The following UBXN2A variants were observed in gnomAD, a reference collection of about 807,000 sequenced individuals.
UBXN2A encodes the protein UBX domain protein 2A.
UBXN2A carries 28 observed loss-of-function variants against 28.4 expected under a neutral mutation model. The ratio of observed to expected loss-of-function variants is 0.99; its 90% confidence interval spans 0.73 to 1.35. The LOEUF (loss-of-function observed/expected upper bound fraction) is 1.35, where lower values mean the gene tolerates loss of function less well. UBXN2A is among the 40% of genes most tolerant of loss of function. UBXN2A has a pLI of 0.00. For synonymous variants in UBXN2A, 97 were observed against 103.6 expected, an observed-to-expected ratio of 0.94 and a Z score of 0.39; for missense variants, 253 against 297.9, an observed-to-expected ratio of 0.85 and a Z score of 1.11.
At chr2:23,950,009 C>T (rs1706285916) in intron 1 of UBXN2A, among the ~76,000 whole-genome samples, 1 of 128,200 alleles carries the variant, frequency 7.8e-6, no homozygotes, top group Non-Finnish European at 1.7e-5. Context: ...CCCCCCACCC[C>T]CACCCCCACC....
chr2:23,968,312 A>G (rs758516981), intron 2 of UBXN2A, among the ~76,000 whole-genome samples: 1 of 152,170 alleles, frequency 6.6e-6, no homozygotes. Flanking sequence ...GGTACTTAGA[A>G]TAGTTCTTTA....
At chr2:23,944,182 T>G in intron 1 of UBXN2A, 2 of 1,362,718 alleles carry the variant, frequency 1.5e-6, no homozygotes, top group Non-Finnish European at 2.1e-6. Flanking sequence ...CCAGCACTGA[T>G]GGACACAACT....
chr2:23,989,637 T>G (rs1438894278), intron 6 of UBXN2A, among the ~76,000 whole-genome samples: 1 of 151,786 alleles, frequency 6.6e-6, no homozygotes, highest in Non-Finnish European at 1.5e-5. Flanking sequence ...GCGTGGTGGC[T>G]CATACCTGTA....
At chr2:23,961,136 C>T (rs900576161) in intron 2 of UBXN2A, among the ~76,000 whole-genome samples, 4 of 150,714 alleles carry the variant, frequency 2.7e-5, no homozygotes, top group African/African-American at 9.7e-5. Context: ...GCTCTTGTCA[C>T]CCAGGCTGGG....
intron 4 of UBXN2A, among the ~76,000 whole-genome samples, chr2:23,979,790 C>A (rs1391974294): frequency 6.6e-6 from 1 of 151,988 alleles, no homozygotes; most frequent in Admixed American, 6.6e-5. Context: ...AGGCTGGTCT[C>A]AAACTCCTGA....
At chr2:23,984,980 C>T (rs1708066431) in intron 6 of UBXN2A, 149 bp downstream of exon 6, 2 of 782,574 alleles carry the variant, frequency 2.6e-6, no homozygotes, top group East Asian at 3.5e-5. Context: ...TAGCTCACTG[C>T]AGTCTTGAAG....
chr2:24,001,170 AG>A lies in UBXN2A; in HGVS notation c.*1304del, dbSNP rs1473099918. On this transcript the variant is annotated 3_prime_UTR_variant, in exon 7 of 7. Transcript: ENST00000309033. ...CATGCTTGGCTAATTTTGCATTTTT[AG>A]TAGACACGGGATTTCACCATGTTGG... 1 of 152,148 alleles carries A rather than the reference AG, an allele frequency of 6.6e-6. No individual in the cohort carries two copies. Among genetic ancestry groups the A allele is most frequent in the Non-Finnish European group, 1.5e-5 (1 of 68,038 alleles). The allele number at this position is 152,148 out of a possible 1,614,324, so 9.4% of individuals were successfully genotyped here.
chr2:23,994,024 C>A (rs998401352), intron 6 of UBXN2A, among the ~76,000 whole-genome samples: 16 of 152,074 alleles, frequency 1.1e-4, no homozygotes, highest in Admixed American at 9.2e-4. Context: ...ATGATGAATT[C>A]TCTTAGCTTT....
At chr2:23,941,761 G>T (rs985707728) in intron 1 of UBXN2A, among the ~76,000 whole-genome samples, 1 of 152,066 alleles carries the variant, frequency 6.6e-6, no homozygotes, top group Non-Finnish European at 1.5e-5. Context: ...CAGTGTCATT[G>T]GGCAAAACAG....
At chr2:23,959,257 C>A (rs1394062230) in intron 2 of UBXN2A, among the ~76,000 whole-genome samples, 1 of 152,020 alleles carries the variant, frequency 6.6e-6, no homozygotes, top group African/African-American at 2.4e-5. Flanking sequence ...TTTGGGAGGC[C>A]GAGGTAGGCG....
chr2:23,949,116 C>CTTTTTTTTTTTTTTTTT (rs1223944833), intron 1 of UBXN2A, among the ~76,000 whole-genome samples: 2 of 127,060 alleles, frequency 1.6e-5, no homozygotes, highest in Non-Finnish European at 1.7e-5. Flanking sequence ...ATTTTTTTTT[C>CTTTTTTTTTTTTTTTTT]TTTTTTTTTT....
At chr2:23,931,727 G>GC (rs1705373866) in intron 1 of UBXN2A, among the ~76,000 whole-genome samples, 1 of 152,006 alleles carries the variant, frequency 6.6e-6, no homozygotes, top group Non-Finnish European at 1.5e-5. Flanking sequence ...GTGAAGAAAT[G>GC]CAAGGCCGGG....
chr2:23,971,152 G>A, intron 2 of UBXN2A, 124 bp from the exon 3 acceptor site: 2 of 1,088,236 alleles, frequency 1.8e-6, no homozygotes, highest in Non-Finnish European at 2.5e-6. Flanking sequence ...TATTAACTTA[G>A]GAGAGGGCCT....
intron 1 of UBXN2A, chr2:23,944,087 AG>A: frequency 1.5e-6 from 1 of 667,196 alleles, no homozygotes; most frequent in Non-Finnish European, 2.8e-6. Flanking sequence ...CTTTGAGCAC[AG>A]GGGTCTCTTT....
At chr2:23,981,162 T>A (rs1707877660) in intron 4 of UBXN2A, among the ~76,000 whole-genome samples, 1 of 152,110 alleles carries the variant, frequency 6.6e-6, no homozygotes, top group African/African-American at 2.4e-5. Context: ...GTATGGCTTA[T>A]ATACACAAAG....
At chr2:23,948,024 T>G (rs968297668) in intron 1 of UBXN2A, among the ~76,000 whole-genome samples, 2 of 151,472 alleles carry the variant, frequency 1.3e-5, no homozygotes, top group Non-Finnish European at 2.9e-5. Context: ...ACGGCTAATT[T>G]TTGTGTTTTT....
At chr2:23,930,124 G>A (rs1057333097) in intron 1 of UBXN2A, among the ~76,000 whole-genome samples, 5 of 152,102 alleles carry the variant, frequency 3.3e-5, no homozygotes, top group Admixed American at 1.3e-4. Flanking sequence ...TCCTGACCTC[G>A]TGATCTGCCT....
chr2:23,943,539 G>A (rs1406366607), intron 1 of UBXN2A, among the ~76,000 whole-genome samples: 13 of 152,124 alleles, frequency 8.5e-5, no homozygotes, highest in Non-Finnish European at 2.9e-5. Flanking sequence ...CCAGGTTGGA[G>A]TGCAATGACC....
chr2:23,961,816 G>T (rs1706935005), intron 2 of UBXN2A, among the ~76,000 whole-genome samples: 2 of 149,866 alleles, frequency 1.3e-5, no homozygotes, highest in South Asian at 2.1e-4. Flanking sequence ...ATAGTGCTGG[G>T]ATTACAGGTG....
Sources: allele counts gnomAD v4.1 joint callset (sites outside exome capture counted in the v4.1 genomes callset), GRCh38; gene constraint gnomAD v4.1.1; transcripts MANE v1.5; gene names NCBI Gene and HGNC (gene_info 2026-07-23, HGNC 2026-07-21).